Variants in TOP1 observed in about 807,000 individuals in gnomAD.
The protein encoded by TOP1 is DNA topoisomerase I.
Under a neutral mutation model 111.1 loss-of-function variants are expected in TOP1, and 10 were observed. The observed-to-expected ratio is 0.09, with a 90% CI of 0.06 to 0.15. The LOEUF (loss-of-function observed/expected upper bound fraction) is 0.15. TOP1 is among the 10% of genes least tolerant of loss of function. The pLI is 1.00. For synonymous variants in TOP1, 271 were observed against 302.9 expected (o/e 0.89, Z 1.10); for missense variants, 474 against 926.7 (o/e 0.51, Z 6.34).
intron 4 of TOP1, among the ~76,000 whole-genome samples, chr20:41,076,939 G>A (rs1286609623): frequency 1.3e-5 from 2 of 152,158 alleles, no homozygotes; most frequent in Non-Finnish European, 2.9e-5. Flanking sequence ...CTGTATGTGT[G>A]TGTGTATCCC....
intron 8 of TOP1, among the ~76,000 whole-genome samples, chr20:41,088,362 C>T (rs1206234134): frequency 2.6e-5 from 4 of 152,056 alleles, no homozygotes; most frequent in African/African-American, 2.4e-5. Context: ...ATTAGCTGGG[C>T]GTGGTGGCGG....
chr20:41,109,033 G>A lies in TOP1; in HGVS notation c.1309-3749G>A, dbSNP rs1388997213. ...AGGATCAATGTTGACATCGTATTGC[G>A]TTTAGTCCTGTTAAAATACTCTCAG... On this transcript the variant is annotated intron_variant, in intron 13 of 20. Coordinates refer to ENST00000361337, the MANE Select transcript of TOP1 (RefSeq NM_003286.4). This position sits in a 1 kb window ranked among gnomAD's most constrained non-coding sequence, Gnocchi z 4.1. 1.3e-5 allele frequency among the ~76,000 whole-genome samples: 2 copies of A among 152,136 alleles called. No individual in the cohort carries two copies. Among genetic ancestry groups the A allele is most frequent in the African/African-American group, 2.4e-5 (1 of 41,426 alleles).
At chr20:41,076,673 A>T (rs896946797) in intron 4 of TOP1, among the ~76,000 whole-genome samples, 1 of 152,236 alleles carries the variant, frequency 6.6e-6, no homozygotes, top group Non-Finnish European at 1.5e-5. Context: ...TTCCAGCATA[A>T]CCAGTGCAAG....
chr20:41,048,802 T>A (rs912664213), intron 2 of TOP1, among the ~76,000 whole-genome samples: 1 of 152,214 alleles, frequency 6.6e-6, no homozygotes, highest in Non-Finnish European at 1.5e-5. Context: ...TTTTGATTTT[T>A]AAATATAATT....
chr20:41,055,453 C>A (rs568055445), intron 2 of TOP1, among the ~76,000 whole-genome samples: 1 of 152,332 alleles, frequency 6.6e-6, no homozygotes, highest in South Asian at 2.1e-4. Context: ...GGATGTAGAT[C>A]TGTGTGCCCT....
intron 13 of TOP1, among the ~76,000 whole-genome samples, chr20:41,105,769 A>G (rs573597568): frequency 5.3e-4 from 81 of 152,360 alleles, no homozygotes; most frequent in African/African-American, 1.9e-3. Flanking sequence ...TGCTGGGATT[A>G]CAGGTGTTAG....
chr20:41,052,200 G>C (rs547613931), intron 2 of TOP1, among the ~76,000 whole-genome samples: 1 of 152,234 alleles, frequency 6.6e-6, no homozygotes, highest in African/African-American at 2.4e-5. Context: ...ATAGAACAAG[G>C]ATTTTGAATA....
rs1050422573 is a variant in TOP1 at position 41,121,206 on chromosome 20, C to T, written c.1951-490C>T. 9.9e-5 allele frequency among the ~76,000 whole-genome samples: 15 copies of T among 152,164 alleles called. No homozygotes were observed. The highest frequency in any genetic ancestry group is 1.9e-4 in the Non-Finnish European group (13 of 68,028). ...TCCATTTTCCTTGAGAAGCTGGCAC[C>T]GCCTTCCCAGAGTACTGGTGGGATC... On this transcript the variant is annotated intron_variant, in intron 18 of 20. Coordinates refer to ENST00000361337, the MANE Select transcript of TOP1 (RefSeq NM_003286.4). This position sits in a 1 kb window ranked among gnomAD's most constrained non-coding sequence, Gnocchi z 4.2.
chr20:41,086,436 T>G (rs1469362224), intron 8 of TOP1, among the ~76,000 whole-genome samples: 1 of 152,228 alleles, frequency 6.6e-6, no homozygotes, highest in Non-Finnish European at 1.5e-5. Flanking sequence ...GAATGGTAGG[T>G]TAGTAATTCA....
Position 41,118,365 on chromosome 20 carries a change from G to C in TOP1, c.1950+69G>C, listed in dbSNP as rs1317379361. On this transcript the variant is annotated intron_variant, in intron 18 of 20. Transcript: ENST00000361337. The surrounding 1 kb of genome is among the most constrained non-coding windows in gnomAD (Gnocchi z 4.6). The stretch of plus-strand genomic sequence containing the variant: ...ATTATCTGCGAATGAGAGGATTCAG[G>C]GCTGAGATATCAGCAGGCCAGTGCT... 6.3e-7 allele frequency: 1 copy of C among 1,584,224 alleles called. No homozygotes were observed. Among genetic ancestry groups the C allele is most frequent in the East Asian group, 2.2e-5 (1 of 44,490 alleles).
rs1264440653 is a variant in TOP1, at chr20:41,084,521, T to C, written c.567T>C (p.Asp189=). 4 of 1,579,904 alleles carry C rather than the reference T, an allele frequency of 2.5e-6. No individual in the cohort carries two copies. The Admixed American group carries it at 5.4e-5, about 21-fold the overall frequency. ...KDKDKKVPEP[D]NKKKKPKKEE... ...AAGATAAAAAAGTTCCTGAGCCAGATAACAAGAAAAAGAAGCCGAAGAAAG... is the reference window on the plus strand; with the variant it reads ...AAGATAAAAAAGTTCCTGAGCCAGACAACAAGAAAAAGAAGCCGAAGAAAG... Residue 189 remains aspartate, a synonymous_variant, in exon 8 of 21, where the codon GAT becomes GAC. Coordinates refer to ENST00000361337, the MANE Select transcript of TOP1 (RefSeq NM_003286.4).
At position 41,030,234 on chromosome 20, in the gene TOP1, G is replaced by A. The variant is rs892003101; in HGVS notation, c.58+779G>A. 6.6e-6 allele frequency among the ~76,000 whole-genome samples: 1 copy of A among 152,136 alleles called. No homozygotes were observed. Among genetic ancestry groups the A allele is most frequent in the Admixed American group, 6.5e-5 (1 of 15,274 alleles). The stretch of plus-strand genomic sequence containing the variant: ...TTTTAAAAAATTATGTTAGTCACTG[G>A]AACTTTTCATTGTGGTCGAGGTTCC... On this transcript the variant is annotated intron_variant, in intron 2 of 20. Coordinates refer to ENST00000361337, the MANE Select transcript of TOP1 (RefSeq NM_003286.4). The surrounding 1 kb of genome is among the most constrained non-coding windows in gnomAD (Gnocchi z 4.1).
chr20:41,052,983 C>CT (rs1204482693), intron 2 of TOP1, among the ~76,000 whole-genome samples: 1 of 152,140 alleles, frequency 6.6e-6, no homozygotes, highest in Non-Finnish European at 1.5e-5. Flanking sequence ...GAGTGAGACT[C>CT]TGTCTAAACA....
In TOP1 at chr20:41,118,174, G is replaced by A; in HGVS notation, c.1828G>A (p.Glu610Lys). ...CCATGTTCCTTTCTTTACAGCGGATGAGAACATCCCAGCGAAGATCCTTTC... is the reference window on the plus strand; with the variant it reads ...CCATGTTCCTTTCTTTACAGCGGATAAGAACATCCCAGCGAAGATCCTTTC... ...QQLKELTAPD[E>K]NIPAKILSYN... is the part of the protein sequence containing the mutation. The change falls in exon 18 of 21, where the codon GAG (glutamate) becomes AAG (lysine). Residue 610 changes from glutamate (E) to lysine (K), a missense_variant. By Grantham distance (56) the Glu-to-Lys change is moderately conservative. Coordinates refer to ENST00000361337, the MANE Select transcript of TOP1 (RefSeq NM_003286.4). The surrounding 1 kb of genome is among the most constrained non-coding windows in gnomAD (Gnocchi z 4.6). 6.2e-7 allele frequency: 1 copy of A among 1,613,758 alleles called. No homozygotes were observed. The highest frequency in any genetic ancestry group is 8.5e-7 in the Non-Finnish European group (1 of 1,179,700).
chr20:41,098,416 AC>A lies in TOP1; in HGVS notation c.975+80del, dbSNP rs1039036156. ...TTTAACTTTCTTCTTGGTTCTTATG[AC>A]ACAACATTAACATCAGTAATTTCAC... is the stretch of plus-strand genomic sequence containing the variant. On this transcript the variant is annotated intron_variant, in intron 11 of 20. Transcript: ENST00000361337. The surrounding 1 kb of genome is among the most constrained non-coding windows in gnomAD (Gnocchi z 5.7). 2.8e-6 allele frequency: 4 copies of A among 1,442,108 alleles called. No individual in the cohort carries two copies. In the African/African-American group the frequency reaches 5.7e-5, roughly 21 times the overall value. 89.3% of individuals were successfully genotyped at this position (1,442,108 alleles called of 1,614,324 possible). A position where few individuals can be genotyped will look rare whatever the true frequency, so the allele number is the denominator to read the frequency against.
At position 41,032,070 on chromosome 20, in the gene TOP1, A is replaced by G. The variant is rs188409177; in HGVS notation, c.58+2615A>G. Reference sequence around the variant, plus strand: ...AAAACTTTAAAAAAAGTAGAAATCAATGTTTAATTATGCCCAGACATGTCA... The same window carrying G: ...AAAACTTTAAAAAAAGTAGAAATCAGTGTTTAATTATGCCCAGACATGTCA... On this transcript the variant is annotated intron_variant, in intron 2 of 20. Transcript: ENST00000361337. The surrounding 1 kb of genome is among the most constrained non-coding windows in gnomAD (Gnocchi z 4.3). 6.6e-6 allele frequency among the ~76,000 whole-genome samples: 1 copy of G among 152,336 alleles called. No homozygotes were observed. The highest frequency in any genetic ancestry group is 6.5e-5 in the Admixed American group (1 of 15,300).
intron 9 of TOP1, among the ~76,000 whole-genome samples, chr20:41,093,463 T>C (rs758166284): frequency 2.0e-4 from 31 of 151,766 alleles, no homozygotes; most frequent in Non-Finnish European, 3.7e-4. Context: ...CCCTCTTCTG[T>C]CCCCTTTCCT....
In TOP1 at chr20:41,046,911, C is replaced by T. The variant is rs750688155; in HGVS notation, c.59-14483C>T. Among the ~76,000 whole-genome samples the T allele has an allele frequency of 1.3e-5, 2 of 152,210 alleles. No homozygotes were observed. Among genetic ancestry groups the T allele is most frequent in the Non-Finnish European group, 2.9e-5 (2 of 68,034 alleles). Reference sequence around the variant, plus strand: ...GCCTCTCTTCAGAGTTCTCATGTGACTCACTTAGTTTTGCAGAGTGAGGTA... The same window carrying T: ...GCCTCTCTTCAGAGTTCTCATGTGATTCACTTAGTTTTGCAGAGTGAGGTA... On this transcript the variant is annotated intron_variant, in intron 2 of 20. Coordinates refer to ENST00000361337, the MANE Select transcript of TOP1 (RefSeq NM_003286.4). This position sits in a 1 kb window ranked among gnomAD's most constrained non-coding sequence, Gnocchi z 4.3.
At position 41,032,538 on chromosome 20, in the gene TOP1, G is replaced by A. The variant is rs528672512; in HGVS notation, c.58+3083G>A. Among the ~76,000 whole-genome samples, 2 of 152,322 alleles carry A rather than the reference G, an allele frequency of 1.3e-5. No homozygotes were observed. The highest frequency in any genetic ancestry group is 2.1e-4 in the South Asian group (1 of 4,830). ...GGTAATACCAGGTTAAAGTGTTAGC[G>A]ATTCTTCTGCTGTTTCAGAGGTCTT... is the stretch of plus-strand genomic sequence containing the variant. On this transcript the variant is annotated intron_variant, in intron 2 of 20. Transcript: ENST00000361337. The surrounding 1 kb of genome is among the most constrained non-coding windows in gnomAD (Gnocchi z 4.3).
Sources: allele counts gnomAD v4.1 joint callset (sites outside exome capture counted in the v4.1 genomes callset), GRCh38; gene constraint gnomAD v4.1.1; non-coding constraint Gnocchi (gnomAD v3.1); transcripts MANE v1.5; gene names NCBI Gene and HGNC (gene_info 2026-07-23, HGNC 2026-07-21).